Variants in LRRC4C observed in about 807,000 individuals in gnomAD.
LRRC4C encodes the protein leucine rich repeat containing 4C, also known as leucine-rich repeat-containing protein 4C.
In LRRC4C, 5 loss-of-function variants were observed where a neutral mutation model predicts 33.6. That is an observed-to-expected ratio of 0.15 (90% CI 0.08 to 0.31). The LOEUF (loss-of-function observed/expected upper bound fraction) is 0.31. LRRC4C is among the 10% of genes least tolerant of loss of function. LRRC4C has a pLI of 1.00. For missense variants in LRRC4C, 560 were observed against 796.7 expected, an observed-to-expected ratio of 0.70 and a Z score of 3.58; for synonymous variants, 329 against 302.0, an observed-to-expected ratio of 1.09 and a Z score of -0.93.
intron 1 of LRRC4C, among the ~76,000 whole-genome samples, chr11:40,943,432 C>A (rs575573276): frequency 3.9e-5 from 6 of 152,280 alleles, no homozygotes; most frequent in Admixed American, 2.6e-4. Context: ...AAAGAAAAAC[C>A]ATTTACCTGC....
intron 5 of LRRC4C, among the ~76,000 whole-genome samples, chr11:40,177,514 A>G (rs1240072039): frequency 1.3e-5 from 2 of 151,976 alleles, no homozygotes; most frequent in Admixed American, 6.6e-5. Context: ...TTGGCATTCC[A>G]TGAATGAACC....
intron 1 of LRRC4C, among the ~76,000 whole-genome samples, chr11:41,210,582 G>T (rs1302970899): frequency 6.6e-6 from 1 of 151,964 alleles, no homozygotes; most frequent in Non-Finnish European, 1.5e-5. Flanking sequence ...TGATCCTTTG[G>T]TCATAATGGT....
At chr11:40,628,427 G>A (rs558983323) in intron 3 of LRRC4C, among the ~76,000 whole-genome samples, 2 of 152,232 alleles carry the variant, frequency 1.3e-5, no homozygotes, top group South Asian at 2.1e-4. Flanking sequence ...GCAGTGAGCC[G>A]AGATTGCGCC....
At chr11:41,017,467 A>G (rs1855671554) in intron 1 of LRRC4C, among the ~76,000 whole-genome samples, 1 of 152,176 alleles carries the variant, frequency 6.6e-6, no homozygotes, top group South Asian at 2.1e-4. Flanking sequence ...CTGACCACGG[A>G]AAGAGGATAG....
intron 4 of LRRC4C, among the ~76,000 whole-genome samples, chr11:40,276,782 G>T (rs988261701): frequency 4.6e-5 from 7 of 151,498 alleles, no homozygotes; most frequent in Non-Finnish European, 8.8e-5. Flanking sequence ...GCTGTTTTGT[G>T]CCTGTCTTCC....
At chr11:41,421,724 T>C (rs1954878932) in intron 1 of LRRC4C, among the ~76,000 whole-genome samples, 1 of 151,968 alleles carries the variant, frequency 6.6e-6, no homozygotes, top group Non-Finnish European at 1.5e-5. Flanking sequence ...ACATCAGCAA[T>C]AATCCACCAA....
chr11:40,831,839 T>A (rs1952428265), intron 2 of LRRC4C, among the ~76,000 whole-genome samples: 1 of 152,096 alleles, frequency 6.6e-6, no homozygotes, highest in African/African-American at 2.4e-5. Flanking sequence ...CCTGCCCCCA[T>A]GATTCAGTTA....
intron 2 of LRRC4C, among the ~76,000 whole-genome samples, chr11:40,667,135 G>T (rs1943853606): frequency 6.6e-6 from 1 of 152,044 alleles, no homozygotes; most frequent in South Asian, 2.1e-4. Flanking sequence ...CTATATGTTA[G>T]GGCTAAAGAC....
intron 1 of LRRC4C, among the ~76,000 whole-genome samples, chr11:40,987,858 T>C (rs1413184828): frequency 6.6e-6 from 1 of 151,900 alleles, no homozygotes; most frequent in Admixed American, 6.6e-5. Flanking sequence ...AATAGTGCCA[T>C]GCTGGTCTCT....
At chr11:41,362,098 A>C (rs188102351) in intron 1 of LRRC4C, among the ~76,000 whole-genome samples, 1 of 152,346 alleles carries the variant, frequency 6.6e-6, no homozygotes, top group East Asian at 1.9e-4. Context: ...TTTGTTTAAA[A>C]TGCTCAAGAT....
intron 3 of LRRC4C, among the ~76,000 whole-genome samples, chr11:40,537,062 A>G (rs2135356561): frequency 6.6e-6 from 1 of 152,316 alleles, no homozygotes. Flanking sequence ...ACCCTGTCAA[A>G]ATATGAGCTG....
At chr11:41,330,247 A>T (rs895385777) in intron 1 of LRRC4C, among the ~76,000 whole-genome samples, 1 of 152,130 alleles carries the variant, frequency 6.6e-6, no homozygotes, top group African/African-American at 2.4e-5. Context: ...ATTGAAATAC[A>T]TATCTTTTTT....
At chr11:41,086,831 G>A (rs1246956137) in intron 1 of LRRC4C, among the ~76,000 whole-genome samples, 7 of 150,740 alleles carry the variant, frequency 4.6e-5, no homozygotes, top group South Asian at 2.1e-4. Flanking sequence ...GACTGCTGTC[G>A]ATGTATGGAA....
chr11:41,178,205 T>G (rs1249141598), intron 1 of LRRC4C, among the ~76,000 whole-genome samples: 4 of 152,200 alleles, frequency 2.6e-5, no homozygotes, highest in Non-Finnish European at 5.9e-5. Flanking sequence ...ATGAGTGAGT[T>G]AAACTGATTC....
chr11:41,021,728 C>T (rs1251049948), intron 1 of LRRC4C, among the ~76,000 whole-genome samples: 1 of 151,960 alleles, frequency 6.6e-6, no homozygotes, highest in Non-Finnish European at 1.5e-5. Context: ...TTGCTTTCTG[C>T]CTGAGACACA....
intron 5 of LRRC4C, among the ~76,000 whole-genome samples, chr11:40,165,358 T>C (rs1859500185): frequency 6.6e-6 from 1 of 152,172 alleles, no homozygotes; most frequent in Non-Finnish European, 1.5e-5. Context: ...TGTGTGTGCA[T>C]CTATATGAGT....
intron 2 of LRRC4C, among the ~76,000 whole-genome samples, chr11:40,812,919 A>G (rs972258328): frequency 1.3e-5 from 2 of 152,212 alleles, no homozygotes; most frequent in African/African-American, 2.4e-5. Context: ...AAGTCCCTAG[A>G]TTCTAGAAAA....
chr11:40,826,709 A>G (rs1016011194), intron 2 of LRRC4C, among the ~76,000 whole-genome samples: 1 of 151,976 alleles, frequency 6.6e-6, no homozygotes, highest in Non-Finnish European at 1.5e-5. Flanking sequence ...GAGACACAAC[A>G]GGCAATTCAA....
At chr11:41,056,512 G>A (rs1235363166) in intron 1 of LRRC4C, among the ~76,000 whole-genome samples, 1 of 152,050 alleles carries the variant, frequency 6.6e-6, no homozygotes, top group Non-Finnish European at 1.5e-5. Flanking sequence ...TGCAAACTAT[G>A]CATCTGACAA....
Sources: allele counts gnomAD v4.1 joint callset (sites outside exome capture counted in the v4.1 genomes callset), GRCh38; gene constraint gnomAD v4.1.1; transcripts MANE v1.5; gene names NCBI Gene and HGNC (gene_info 2026-07-23, HGNC 2026-07-21).